The following GALNT10 variants were observed in gnomAD, a reference collection of about 807,000 sequenced individuals.
The protein encoded by GALNT10 is polypeptide N-acetylgalactosaminyltransferase 10, also known as GalNAc transferase 10.
In GALNT10, 41 loss-of-function variants were observed where a neutral mutation model predicts 75.0. That is an observed-to-expected ratio of 0.55 (90% confidence interval 0.43 to 0.71). The LOEUF is 0.71. GALNT10 is among the 30% of genes least tolerant of loss of function. The probability of loss-of-function intolerance (pLI) is 0.00; values close to 1 mark genes in which losing one functional copy is unlikely to be tolerated. For missense variants in GALNT10, 727 were observed against 818.5 expected (o/e 0.89, Z 1.36); for synonymous variants, 302 against 313.0 (o/e 0.96, Z 0.37).
At chr5:154,289,382 A>C (rs13169724) in intron 1 of GALNT10, among the ~76,000 whole-genome samples, 23,794 of 152,146 alleles carry the variant, frequency 0.16, 1,950 homozygotes, top group Middle Eastern at 0.21. Context: ...ATTAAACTAG[A>C]CTACCTTTCC....
intron 1 of GALNT10, among the ~76,000 whole-genome samples, chr5:154,210,383 C>G (rs1157523641): frequency 6.6e-5 from 7 of 106,274 alleles, no homozygotes. Context: ...CACACACATG[C>G]ATACACACAC....
chr5:154,194,800 T>A (rs893988449), intron 1 of GALNT10, among the ~76,000 whole-genome samples: 1 of 152,240 alleles, frequency 6.6e-6, no homozygotes, highest in Non-Finnish European at 1.5e-5. Flanking sequence ...TCAGACTGTT[T>A]CTCAGCAGGG....
intron 3 of GALNT10, among the ~76,000 whole-genome samples, chr5:154,325,843 A>G (rs1270512955): frequency 1.3e-5 from 2 of 152,200 alleles, no homozygotes; most frequent in Non-Finnish European, 1.5e-5. Flanking sequence ...CCTTATGTTT[A>G]GCATTGTACT....
intron 1 of GALNT10, among the ~76,000 whole-genome samples, chr5:154,257,437 A>G (rs898295528): frequency 3.9e-5 from 6 of 152,316 alleles, no homozygotes; most frequent in Non-Finnish European, 7.4e-5. Flanking sequence ...TTTAAACGAC[A>G]TTTGTCTTAG....
chr5:154,346,139 C>CGTGTGTGT (rs36124544), intron 4 of GALNT10, among the ~76,000 whole-genome samples: 76 of 147,822 alleles, frequency 5.1e-4, no homozygotes, highest in South Asian at 2.2e-3. Context: ...TTCGTGTGTG[C>CGTGTGTGT]GTGTGTGTGT....
In GALNT10 at chr5:154,346,131, C is replaced by CGT. The variant is rs1244232599; in HGVS notation, c.568+16399_568+16400dup. ...TTCTTTTTTAAGGCTGAATAATATT[C>CGT]GTGTGTGCGTGTGTGTGTGTGTGTG... On this transcript the variant is annotated intron_variant, in intron 4 of 11. Transcript: ENST00000297107. 7.4e-5 allele frequency among the ~76,000 whole-genome samples: 6 copies of CGT among 80,886 alleles called. No homozygotes were observed. In the East Asian group the frequency reaches 1.4e-3, roughly 18 times the overall value. 53.1% of individuals were successfully genotyped at this position (80,886 alleles called of 152,430 possible).
chr5:154,250,761 C>A (rs1753505264), intron 1 of GALNT10, among the ~76,000 whole-genome samples: 1 of 152,180 alleles, frequency 6.6e-6, no homozygotes, highest in Admixed American at 6.5e-5. Context: ...TTACAAACAT[C>A]TTGTCCTGAC....
Position 154,259,891 on chromosome 5 carries a change from T to G in GALNT10, c.160-34925T>G, listed in dbSNP as rs1031455659. Among the ~76,000 whole-genome samples, 13 of 152,334 alleles carry G rather than the reference T, an allele frequency of 8.5e-5. No homozygotes were observed. The East Asian group carries it at 2.5e-3, about 29-fold the overall frequency. ...CAGCAAACATGTATTTAGCACCTTT[T>G]GTATACCAGTCACTGTGCTAAATCT... On this transcript the variant is annotated intron_variant, in intron 1 of 11. Transcript: ENST00000297107.
chr5:154,393,046 G>A (rs1306834921), intron 7 of GALNT10: 1 of 77,746 alleles, frequency 1.3e-5, no homozygotes, highest in African/African-American at 5.3e-5. Flanking sequence ...AAAATAAATT[G>A]GAGGTCTCCA....
intron 1 of GALNT10, among the ~76,000 whole-genome samples, chr5:154,227,942 G>A (rs927644792): frequency 1.3e-5 from 2 of 152,128 alleles, no homozygotes; most frequent in African/African-American, 4.8e-5. Flanking sequence ...GGATCATGGA[G>A]GTGGATCCCT....
chr5:154,199,376 T>A (rs1189497622), intron 1 of GALNT10, among the ~76,000 whole-genome samples: 1 of 152,060 alleles, frequency 6.6e-6, no homozygotes, highest in African/African-American at 2.4e-5. Flanking sequence ...CAGGAGTGCT[T>A]CAGGACCCGC....
intron 1 of GALNT10, among the ~76,000 whole-genome samples, chr5:154,275,507 T>G (rs968293983): frequency 1.3e-4 from 20 of 152,216 alleles, no homozygotes; most frequent in African/African-American, 4.8e-4. Flanking sequence ...CTTAACAAAT[T>G]GCCCCCAAAC....
chr5:154,310,441 GTTTTT>G (rs34086082), intron 3 of GALNT10, among the ~76,000 whole-genome samples: 37 of 149,658 alleles, frequency 2.5e-4, no homozygotes, highest in African/African-American at 8.2e-4. Flanking sequence ...GGTTTTTTTT[GTTTTT>G]TTTTTTGTTT....
intron 3 of GALNT10, chr5:154,329,326 AC>A: frequency 2.1e-6 from 1 of 475,832 alleles, no homozygotes; most frequent in Non-Finnish European, 3.8e-6. Context: ...ACATGAAATC[AC>A]AACTATTCAA....
chr5:154,382,592 T>A (rs906737005), intron 6 of GALNT10, among the ~76,000 whole-genome samples: 12 of 152,208 alleles, frequency 7.9e-5, no homozygotes, highest in African/African-American at 2.2e-4. Context: ...CTAGGTAGAA[T>A]TACCCTCATT....
intron 4 of GALNT10, among the ~76,000 whole-genome samples, chr5:154,375,692 A>G (rs1755643411): frequency 6.6e-6 from 1 of 152,200 alleles, no homozygotes; most frequent in Admixed American, 6.5e-5. Flanking sequence ...TTCACCAAAG[A>G]TGTCACGAGT....
intron 1 of GALNT10, among the ~76,000 whole-genome samples, chr5:154,206,323 A>G (rs1775108827): frequency 6.6e-6 from 1 of 152,210 alleles, no homozygotes; most frequent in Admixed American, 6.5e-5. Context: ...ACTTAACTGT[A>G]TTATCCTTTT....
rs1417785172 is a variant in GALNT10 at position 154,298,385 on chromosome 5, C to A, written c.401+306C>A. On this transcript the variant is annotated intron_variant, in intron 3 of 11. Transcript: ENST00000297107. The surrounding 1 kb of genome is among the most constrained non-coding windows in gnomAD (Gnocchi z 4.1). ...AAGTTGTCATGCAGTTTTTAACTTT[C>A]ATTCTCTTCACTTTCTGTGTGATGT... Among the ~76,000 whole-genome samples, 1 of 152,158 alleles carries A rather than the reference C, an allele frequency of 6.6e-6. No individual in the cohort carries two copies. The highest frequency in any genetic ancestry group is 2.4e-5 in the African/African-American group (1 of 41,440).
intron 1 of GALNT10, among the ~76,000 whole-genome samples, chr5:154,204,553 G>A (rs1402719227): frequency 6.6e-6 from 1 of 152,164 alleles, no homozygotes; most frequent in African/African-American, 2.4e-5. Context: ...GGCTCACTGT[G>A]TCTCCTCCTC....
Sources: gnomAD v4.1 joint callset for allele counts (sites outside exome capture counted in the v4.1 genomes callset) on GRCh38, gnomAD v4.1.1 for gene constraint, Gnocchi (gnomAD v3.1) non-coding constraint, MANE v1.5 for transcripts, NCBI Gene and HGNC (gene_info 2026-07-23, HGNC 2026-07-21) for gene names.